PIK3CB: variants seen among roughly 807,000 people sequenced by gnomAD.
The protein encoded by PIK3CB is phosphatidylinositol 4,5-bisphosphate 3-kinase catalytic subunit beta isoform.
In PIK3CB, 39 loss-of-function variants were observed where a neutral mutation model predicts 136.8. The observed-to-expected ratio is 0.29, with a 90% CI of 0.22 to 0.37. The LOEUF is 0.37. PIK3CB is among the 10% of genes least tolerant of loss of function. The pLI, the probability that PIK3CB is intolerant of heterozygous loss-of-function variation, is 1.00. For missense variants in PIK3CB, 868 were observed against 1,275.4 expected (o/e 0.68, Z 4.87); for synonymous variants, 428 against 436.6 (o/e 0.98, Z 0.25).
chr3:138,724,946 G>A (rs7636237), intron 8 of PIK3CB, among the ~76,000 whole-genome samples: 5,057 of 152,102 alleles, frequency 0.033, 287 homozygotes, highest in African/African-American at 0.12. Context: ...TTCATTCATT[G>A]CACAAATATT....
intron 1 of PIK3CB, among the ~76,000 whole-genome samples, chr3:138,833,436 T>A (rs1303694578): frequency 6.6e-6 from 1 of 152,180 alleles, no homozygotes; most frequent in African/African-American, 2.4e-5. Context: ...CTGACCACCC[T>A]TTCCTGTGCT....
intron 6 of PIK3CB, among the ~76,000 whole-genome samples, chr3:138,735,888 T>C (rs1461510355): frequency 6.6e-6 from 1 of 152,170 alleles, no homozygotes; most frequent in Non-Finnish European, 1.5e-5. Context: ...TTATGATAAA[T>C]ATATTCATCC....
intron 2 of PIK3CB, chr3:138,778,063 A>T (rs1576408109): frequency 5.8e-6 from 2 of 343,486 alleles, no homozygotes; most frequent in Non-Finnish European, 1.2e-5. Context: ...TCTAGGAGCA[A>T]ATTCCCACCA....
chr3:138,688,276 C>T (rs768390006), intron 16 of PIK3CB, among the ~76,000 whole-genome samples: 3 of 151,536 alleles, frequency 2.0e-5, no homozygotes, highest in Non-Finnish European at 4.4e-5. Flanking sequence ...CCGAGGCGGG[C>T]GGATCACGAG....
Position 138,785,307 on chromosome 3 carries a change from T to C in PIK3CB, c.-17+11156A>G, listed in dbSNP as rs558339211. Among the ~76,000 whole-genome samples, 571 of 152,116 alleles carry C rather than the reference T, an allele frequency of 3.8e-3. 5 individuals are homozygous for C. The highest frequency in any genetic ancestry group is 0.013 in the African/African-American group (548 of 41,522). On this transcript the variant is annotated intron_variant, in intron 2 of 23. Transcript: ENST00000674063. ...GGGCGCCTCTGCCAGGCCGCCGCCC[T>C]GTCTGGGAGGTGTACCCAACAGCTC...
intron 1 of PIK3CB, among the ~76,000 whole-genome samples, chr3:138,829,758 G>C (rs1933940955): frequency 6.6e-6 from 1 of 152,092 alleles, no homozygotes; most frequent in South Asian, 2.1e-4. Flanking sequence ...CTGTACTCCA[G>C]CCTGGGCAAC....
At chr3:138,821,950 G>C (rs1933578984) in intron 1 of PIK3CB, among the ~76,000 whole-genome samples, 1 of 151,930 alleles carries the variant, frequency 6.6e-6, no homozygotes, top group Non-Finnish European at 1.5e-5. Flanking sequence ...CCAGAAGTTT[G>C]AGACTAGCCT....
chr3:138,797,318 T>C (rs2046119735), intron 1 of PIK3CB: 2 of 152,040 alleles, frequency 1.3e-5, no homozygotes, highest in Non-Finnish European at 2.9e-5. Context: ...TAAATAAAAA[T>C]GTTGGGCTAC....
At chr3:138,826,821 C>G (rs942913744) in intron 1 of PIK3CB, among the ~76,000 whole-genome samples, 14 of 152,248 alleles carry the variant, frequency 9.2e-5, no homozygotes, top group Admixed American at 6.5e-4. Context: ...GTAATCCCAG[C>G]ACTTTGGGAG....
intron 8 of PIK3CB, among the ~76,000 whole-genome samples, chr3:138,722,881 A>G (rs1417108946): frequency 1.3e-5 from 2 of 152,144 alleles, no homozygotes. Context: ...TTTGTTGAAA[A>G]TAAGTATCAT....
intron 21 of PIK3CB, among the ~76,000 whole-genome samples, chr3:138,662,473 G>T (rs2043316979): frequency 1.3e-5 from 2 of 150,832 alleles, no homozygotes; most frequent in East Asian, 2.0e-4. Context: ...AGTATTCCAT[G>T]GTATATATGT....
At chr3:138,667,748 AG>A (rs2043446314) in intron 19 of PIK3CB, among the ~76,000 whole-genome samples, 1 of 148,308 alleles carries the variant, frequency 6.7e-6, no homozygotes, top group Non-Finnish European at 1.5e-5. Context: ...TTGTATTTTT[AG>A]TAGAGACGGG....
At position 138,737,845 on chromosome 3, in the gene PIK3CB, G is replaced by C. The variant is rs757001098; in HGVS notation, c.663C>G (p.Ile221Met). The C allele has an allele frequency of 3.1e-6, 5 of 1,607,304 alleles. No homozygotes were observed. The highest frequency in any genetic ancestry group is 3.4e-6 in the Non-Finnish European group (4 of 1,176,338). ...SFQVSPNMNPIKVNELAIQKR... is the reference protein window; with the variant it reads ...SFQVSPNMNPMKVNELAIQKR... Reference sequence around the variant, plus strand: ...TTTGGATTGCCAATTCATTTACTTTGATAGGATTCATATTAGGAGACACTT... The same window carrying C: ...TTTGGATTGCCAATTCATTTACTTTCATAGGATTCATATTAGGAGACACTT... The change falls in exon 6 of 24, where the codon ATC (isoleucine) becomes ATG (methionine). Residue 221 changes from isoleucine (I) to methionine (M), a missense_variant. Coordinates refer to ENST00000674063, the MANE Select transcript of PIK3CB (RefSeq NM_006219.3).
At chr3:138,755,095 C>T (rs1439193253) in intron 4 of PIK3CB, among the ~76,000 whole-genome samples, 2 of 152,118 alleles carry the variant, frequency 1.3e-5, no homozygotes, top group East Asian at 3.8e-4. Context: ...TGACTCTCTA[C>T]CAAAATAACT....
intron 2 of PIK3CB, among the ~76,000 whole-genome samples, chr3:138,762,147 G>C (rs1172461349): frequency 1.3e-5 from 2 of 152,004 alleles, no homozygotes; most frequent in African/African-American, 4.8e-5. Flanking sequence ...TACTCAGGAG[G>C]CTGAGGCAGG....
intron 11 of PIK3CB, 60 bp from the exon 12 acceptor site, chr3:138,704,553 T>C: frequency 9.6e-7 from 1 of 1,039,356 alleles, no homozygotes; most frequent in Non-Finnish European, 1.5e-6. Context: ...ATTTTAAGTG[T>C]AAATGACTAC....
intron 8 of PIK3CB, among the ~76,000 whole-genome samples, chr3:138,720,919 T>C (rs2044712438): frequency 6.6e-6 from 1 of 152,142 alleles, no homozygotes; most frequent in Admixed American, 6.5e-5. Context: ...AAGAAAAAAC[T>C]ATTTTGTTAC....
chr3:138,762,712 C>T (rs750142589), intron 2 of PIK3CB, among the ~76,000 whole-genome samples: 5 of 152,132 alleles, frequency 3.3e-5, no homozygotes, highest in African/African-American at 4.8e-5. Context: ...AATCTCAGCA[C>T]TTTGGGAAGC....
At chr3:138,692,515 A>G (rs1396186093) in intron 14 of PIK3CB, among the ~76,000 whole-genome samples, 1 of 152,194 alleles carries the variant, frequency 6.6e-6, no homozygotes, top group Non-Finnish European at 1.5e-5. Flanking sequence ...AACTATCTAT[A>G]ACACAATTTT....
Sources: allele counts gnomAD v4.1 joint callset (sites outside exome capture counted in the v4.1 genomes callset), GRCh38; gene constraint gnomAD v4.1.1; transcripts MANE v1.5; gene names NCBI Gene and HGNC (gene_info 2026-07-23, HGNC 2026-07-21).